PER2: variants seen among roughly 807,000 people sequenced by gnomAD.
PER2 encodes the protein period circadian regulator 2.
A neutral mutation model predicts 121.0 loss-of-function variants in PER2; 66 were observed. The observed-to-expected ratio is 0.55, with a 90% confidence interval of 0.45 to 0.67. The LOEUF is 0.67. PER2 is among the 30% of genes least tolerant of loss of function. The pLI is 0.00. For synonymous variants in PER2, 684 were observed against 659.9 expected (o/e 1.04, Z -0.56); for missense variants, 1,521 against 1,635.0 (o/e 0.93, Z 1.20).
chr2:238,298,179 C>T, the PER2 span, among the ~76,000 whole-genome samples: 31 of 152,184 alleles, frequency 2.0e-4, no homozygotes, highest in South Asian at 1.7e-3. Context: ...GGACTACAGG[C>T]GCCCGCCACC....
chr2:238,253,174 G>C lies in PER2; in HGVS notation c.2849C>G (p.Pro950Arg). The change falls in exon 19 of 23, where the codon CCC (proline) becomes CGC (arginine). Residue 950 changes from proline to arginine, a missense_variant. By Grantham distance (103) the Pro-to-Arg change is moderately radical. Coordinates refer to ENST00000254657, the MANE Select transcript of PER2 (RefSeq NM_022817.3). This position sits in a 1 kb window ranked among gnomAD's most constrained non-coding sequence, Gnocchi z 5.6. The part of the protein sequence containing the change: ...EMASASQPEF[P>R]SRTSIPRQPC... Reference sequence around the variant, plus strand: ...CTGTCTGGGGATCGAGGTCCGGCTGGGGAACTCAGGCTGTGAGGCAGAGGC... The same window carrying C: ...CTGTCTGGGGATCGAGGTCCGGCTGCGGAACTCAGGCTGTGAGGCAGAGGC... 6.3e-7 allele frequency: 1 copy of C among 1,595,116 alleles called. No individual in the cohort carries two copies. The highest frequency in any genetic ancestry group is 1.1e-5 in the South Asian group (1 of 88,740).
At position 238,277,200 on chromosome 2, in the gene PER2, A is replaced by C; in HGVS notation, c.231-7T>G. ...CAGGCTAAAGGTATCTGGACTATGA[A>C]AACAAAAAATAAAAGCAAAATTTAG... On this transcript the variant is annotated splice_polypyrimidine_tract_variant and splice_region_variant and intron_variant, in intron 2 of 22. Transcript: ENST00000254657. The C allele has an allele frequency of 6.2e-7, 1 of 1,607,818 alleles. No homozygotes were observed.
At chr2:238,288,649 G>A (rs1255656067), upstream of PER2, 1 of 150,172 alleles carries the variant, frequency 6.7e-6, no homozygotes, top group Non-Finnish European at 1.5e-5. Context: ...CTTACCGCCG[G>A]CCGCGCCCGC....
intron 14 of PER2, among the ~76,000 whole-genome samples, chr2:238,259,141 G>A (rs555903479): frequency 6.6e-6 from 1 of 152,310 alleles, no homozygotes; most frequent in Non-Finnish European, 1.5e-5. Flanking sequence ...AAAGAGCTGT[G>A]TCCAGCTCAT....
chr2:238,283,637 A>C (rs528639208), intron 1 of PER2, among the ~76,000 whole-genome samples: 1 of 152,310 alleles, frequency 6.6e-6, no homozygotes, highest in Non-Finnish European at 1.5e-5. Context: ...GGCAGTCAGA[A>C]CTCCGATAGG....
intron 8 of PER2, among the ~76,000 whole-genome samples, chr2:238,267,651 G>A (rs1429690871): frequency 2.0e-5 from 3 of 152,192 alleles, no homozygotes; most frequent in Non-Finnish European, 4.4e-5. Context: ...TCTGGAGCAG[G>A]CAGCGACATC....
chr2:238,265,904 ATTTTTT>A (rs759618918), intron 8 of PER2, among the ~76,000 whole-genome samples: 15 of 140,748 alleles, frequency 1.1e-4, no homozygotes, highest in African/African-American at 3.9e-4. Flanking sequence ...CATCTTTACG[ATTTTTT>A]TTTTTTTTTT....
rs1421567217 is a variant in PER2 at position 238,253,319 on chromosome 2, G to T, written c.2704C>A (p.Pro902Thr). 6.2e-7 allele frequency: 1 copy of T among 1,613,756 alleles called. No homozygotes were observed. Among genetic ancestry groups the T allele is most frequent in the Non-Finnish European group, 8.5e-7 (1 of 1,179,798 alleles). ...QPPPFPAPLAPVMAFMLPSYS... is the reference protein window; with the variant it reads ...QPPPFPAPLATVMAFMLPSYS... Reference sequence around the variant, plus strand: ...CTGGGTAGCATGAATGCCATGACAGGCGCCAAAGGGGCAGGGAAAGGTGGG... The same window carrying T: ...CTGGGTAGCATGAATGCCATGACAGTCGCCAAAGGGGCAGGGAAAGGTGGG... The change falls in exon 19 of 23, where the codon CCT (proline) becomes ACT (threonine). Residue 902 changes from proline to threonine, a missense_variant. By Grantham distance (38) the Pro-to-Thr change is conservative. Coordinates refer to ENST00000254657, the MANE Select transcript of PER2 (RefSeq NM_022817.3). This position sits in a 1 kb window ranked among gnomAD's most constrained non-coding sequence, Gnocchi z 5.6.
At chr2:238,248,372 C>T (rs1053015247) in intron 22 of PER2, among the ~76,000 whole-genome samples, 3 of 152,126 alleles carry the variant, frequency 2.0e-5, no homozygotes, top group Admixed American at 6.5e-5. Flanking sequence ...GGAGTGCCCA[C>T]AGGGCCGCTG....
rs982204608 is a variant in PER2 at position 238,246,376 on chromosome 2, T to C, written c.3767A>G (p.Ter1256=). Residue 1256 remains the stop codon, a stop_retained_variant, in exon 23 of 23, where the codon TAA becomes TGA. Coordinates refer to ENST00000254657, the MANE Select transcript of PER2 (RefSeq NM_022817.3). ...PLNHRIEEQT[*] is the part of the protein sequence containing the mutation. Reference sequence around the variant, plus strand: ...TGCCGGGCTGAGGTGGGGCAGGGGTTACGTCTGCTCTTCGATCCTGTGATT... The same window carrying C: ...TGCCGGGCTGAGGTGGGGCAGGGGTCACGTCTGCTCTTCGATCCTGTGATT... 6.2e-7 allele frequency: 1 copy of C among 1,605,186 alleles called. No individual in the cohort carries two copies. The highest frequency in any genetic ancestry group is 8.5e-7 in the Non-Finnish European group (1 of 1,174,478).
intron 21 of PER2, 125 bp downstream of exon 21, chr2:238,250,426 C>T: frequency 1.4e-6 from 1 of 736,298 alleles, no homozygotes; most frequent in Non-Finnish European, 2.4e-6. Flanking sequence ...CTCTGCTGCA[C>T]TCAGCTAAAT....
chr2:238,258,627 G>A lies in PER2; in HGVS notation c.1645C>T (p.Pro549Ser). The A allele has an allele frequency of 6.2e-7, 1 of 1,614,032 alleles. No homozygotes were observed. The highest frequency in any genetic ancestry group is 8.5e-7 in the Non-Finnish European group (1 of 1,179,996). Reference sequence around the variant, plus strand: ...GCAGGGACAGCTTTCTTCTCAGCTGGGGGATTAGTTTGCATTTCTGAAGGA... The same window carrying A: ...GCAGGGACAGCTTTCTTCTCAGCTGAGGGATTAGTTTGCATTTCTGAAGGA... ...KSVTEMQTNP[P>S]AEKKAVPAME... Residue 549 changes from proline to serine, a missense_variant, in exon 15 of 23, where the codon CCA becomes TCA. By Grantham distance (74) the Pro-to-Ser change is moderately conservative (BLOSUM62 -1). Coordinates refer to ENST00000254657, the MANE Select transcript of PER2 (RefSeq NM_022817.3).
At chr2:238,263,310 C>T (rs1271949558) in intron 9 of PER2, among the ~76,000 whole-genome samples, 1 of 152,246 alleles carries the variant, frequency 6.6e-6, no homozygotes, top group South Asian at 2.1e-4. Flanking sequence ...TGCGTTTCAC[C>T]TCCCAAGAGA....
In PER2 at chr2:238,246,187, G is replaced by A. The variant is rs540295950; in HGVS notation, c.*188C>T. The A allele has an allele frequency of 2.4e-4, 93 of 389,624 alleles. No individual in the cohort carries two copies. The highest frequency in any genetic ancestry group is 1.6e-3 in the African/African-American group (77 of 48,540). 24.1% of individuals were successfully genotyped at this position (389,624 alleles called of 1,614,324 possible). On this transcript the variant is annotated 3_prime_UTR_variant, in exon 23 of 23. Coordinates refer to ENST00000254657, the MANE Select transcript of PER2 (RefSeq NM_022817.3). The stretch of plus-strand genomic sequence containing the variant: ...TATATATAAAAACATATTTCTTTCC[G>A]AACTCTCCCCACTCTCCACAGTTTT...
At chr2:238,255,298 C>T in intron 18 of PER2, 1 of 375,696 alleles carries the variant, frequency 2.7e-6, no homozygotes, top group Non-Finnish European at 5.0e-6. Flanking sequence ...ACTACATGCC[C>T]ACTATCTTGA....
At chr2:238,248,656 A>AT (rs11455419) in intron 22 of PER2, among the ~76,000 whole-genome samples, 61,037 of 140,332 alleles carry the variant, frequency 0.43, 13,954 homozygotes, top group Non-Finnish European at 0.51. Flanking sequence ...AATTTTAGAA[A>AT]TTTTTTTTTT....
In PER2 at chr2:238,253,092, G is replaced by A; in HGVS notation, c.2931C>T (p.Ser977=). 1 of 1,610,642 alleles carries A rather than the reference G, an allele frequency of 6.2e-7. No individual in the cohort carries two copies. The highest frequency in any genetic ancestry group is 8.5e-7 in the Non-Finnish European group (1 of 1,177,704). ...TGCTGCGGGACTGAAAGAGCGGTGG[G>A]GAGGCCCTACCCATGGCCGATGGTG... ...ATPPSAMGRA[S]PPLFQSRSSS... The change falls in exon 19 of 23, where the codon TCC becomes TCT. Residue 977 remains serine, a synonymous_variant. Coordinates refer to ENST00000254657, the MANE Select transcript of PER2 (RefSeq NM_022817.3). The surrounding 1 kb of genome is among the most constrained non-coding windows in gnomAD (Gnocchi z 5.6).
In PER2 at chr2:238,271,343, CT is replaced by C. The variant is rs780855929; in HGVS notation, c.740del (p.Lys247SerfsTer45). The C allele has an allele frequency of 6.2e-7, 1 of 1,614,172 alleles. No individual in the cohort carries two copies. The highest frequency in any genetic ancestry group is 1.7e-5 in the Admixed American group (1 of 60,032). Reference sequence around the variant, plus strand: ...CACTGCACATGCTCCACAAGGGAAGCTTGTACGGGGAGGTGAAACTGTGGAA... The same window carrying C: ...CACTGCACATGCTCCACAAGGGAAGCTGTACGGGGAGGTGAAACTGTGGAA... ...GVFHSFTSPYKLPLWSMCSGA... is the reference protein window; with the variant it reads ...GVFHSFTSPYXLPLWSMCSGA... On this transcript the variant is annotated frameshift_variant, in exon 6 of 23. Coordinates refer to ENST00000254657, the MANE Select transcript of PER2 (RefSeq NM_022817.3). LOFTEE classifies it high-confidence loss of function.
chr2:238,292,937 C>T (rs1696972708), upstream of PER2, among the ~76,000 whole-genome samples: 1 of 151,680 alleles, frequency 6.6e-6, no homozygotes, highest in African/African-American at 2.4e-5. Context: ...AGGGTTTCAT[C>T]ATGTTGGTCA....
Sources: allele counts gnomAD v4.1 joint callset (sites outside exome capture counted in the v4.1 genomes callset), GRCh38; gene constraint gnomAD v4.1.1; non-coding constraint Gnocchi (gnomAD v3.1); transcripts MANE v1.5; gene names NCBI Gene and HGNC (gene_info 2026-07-23, HGNC 2026-07-21).